CAMK1D: variants seen among roughly 807,000 people sequenced by gnomAD.
CAMK1D encodes the protein calcium/calmodulin dependent protein kinase ID.
A neutral mutation model predicts 47.7 loss-of-function variants in CAMK1D; 9 were observed. That is an observed-to-expected ratio of 0.19 (90% CI 0.11 to 0.33). CAMK1D has a LOEUF of 0.33. CAMK1D is among the 10% of genes least tolerant of loss of function. The pLI, the probability that CAMK1D is intolerant of heterozygous loss-of-function variation, is 1.00. For missense variants in CAMK1D, 291 were observed against 488.7 expected, an observed-to-expected ratio of 0.60 and a Z score of 3.81; for synonymous variants, 184 against 184.9, an observed-to-expected ratio of 0.99 and a Z score of 0.04.
intron 3 of CAMK1D, among the ~76,000 whole-genome samples, chr10:12,758,782 G>A (rs1320677048): frequency 2.0e-5 from 3 of 152,178 alleles, no homozygotes; most frequent in Non-Finnish European, 4.4e-5. Flanking sequence ...GGCAGGAGGT[G>A]GTGGGAGCAG....
intron 3 of CAMK1D, among the ~76,000 whole-genome samples, chr10:12,713,317 A>G (rs1289199306): frequency 6.6e-6 from 1 of 152,176 alleles, no homozygotes; most frequent in African/African-American, 2.4e-5. Flanking sequence ...CAACTTGTGG[A>G]CGATGCCTTT....
rs1838923939 is a variant in CAMK1D, at chr10:12,619,478, G to C, written c.225-47258G>C. Among the ~76,000 whole-genome samples, 4 of 152,088 alleles carry C rather than the reference G, an allele frequency of 2.6e-5. No individual in the cohort carries two copies. The South Asian group carries it at 8.3e-4, about 32-fold the overall frequency. ...AATTTTAGAATTTTTGGTAGAGGAA[G>C]GGTTTTACTGTGTTGCCTAGACTGG... is the stretch of plus-strand genomic sequence containing the variant. On this transcript the variant is annotated intron_variant, in intron 2 of 10. Transcript: ENST00000619168.
At chr10:12,647,866 C>T (rs1380766342) in intron 2 of CAMK1D, among the ~76,000 whole-genome samples, 1 of 152,204 alleles carries the variant, frequency 6.6e-6, no homozygotes, top group Non-Finnish European at 1.5e-5. Flanking sequence ...TGGACTGCTT[C>T]CTGGGACCCT....
chr10:12,426,864 G>A (rs1840251260), intron 1 of CAMK1D, among the ~76,000 whole-genome samples: 2 of 152,168 alleles, frequency 1.3e-5, no homozygotes, highest in African/African-American at 2.4e-5. Context: ...ACAGGTGCAT[G>A]CCACCACGCC....
chr10:12,667,007 A>G lies in CAMK1D; in HGVS notation c.299+197A>G, dbSNP rs552136260. The G allele has an allele frequency of 1.2e-4, 66 of 567,902 alleles. 3 individuals carry two copies. In the South Asian group the frequency reaches 1.5e-3, roughly 13 times the overall value. The allele number at this position is 567,902 out of a possible 1,614,324, so 35.2% of individuals were successfully genotyped here. Reference sequence around the variant, plus strand: ...ACAGGCGTCTACAGGCCTCCCTTGCACCAGCCTGCACTGCTGGGCTGGACT... The same window carrying G: ...ACAGGCGTCTACAGGCCTCCCTTGCGCCAGCCTGCACTGCTGGGCTGGACT... On this transcript the variant is annotated intron_variant, in intron 3 of 10. Transcript: ENST00000619168.
At chr10:12,816,145 A>G (rs1336197138) in intron 7 of CAMK1D, 105 bp from the exon 8 acceptor site, 2 of 833,720 alleles carry the variant, frequency 2.4e-6, no homozygotes, top group Non-Finnish European at 2.0e-6. Flanking sequence ...GGCTGGTCTC[A>G]TATTTTTCAT....
intron 2 of CAMK1D, among the ~76,000 whole-genome samples, chr10:12,655,320 G>A (rs1840088956): frequency 6.6e-6 from 1 of 152,090 alleles, no homozygotes. Flanking sequence ...CAAGCCATGA[G>A]GGATCCACCC....
chr10:12,621,721 C>T (rs1839003325), intron 2 of CAMK1D, among the ~76,000 whole-genome samples: 1 of 152,180 alleles, frequency 6.6e-6, no homozygotes, highest in African/African-American at 2.4e-5. Flanking sequence ...ATGTTCATTG[C>T]TAGCATACAG....
chr10:12,666,926 G>C, intron 3 of CAMK1D, 116 bp downstream of exon 3: 1 of 804,574 alleles, frequency 1.2e-6, no homozygotes, highest in East Asian at 2.4e-5. Flanking sequence ...TAGGGAGCAG[G>C]GAGGCCTGTG....
chr10:12,781,972 GTTTTTTTTT>G (rs58759372), intron 5 of CAMK1D, among the ~76,000 whole-genome samples: 1 of 128,624 alleles, frequency 7.8e-6, no homozygotes, highest in African/African-American at 3.0e-5. Flanking sequence ...TAATTTAATT[GTTTTTTTTT>G]TTTTTTTTTT....
In CAMK1D at chr10:12,495,987, C is replaced by T. The variant is rs1222292265; in HGVS notation, c.93-57238C>T. The stretch of plus-strand genomic sequence containing the variant: ...GGGCTACTTGTGTGCGCCACTGTGC[C>T]CTCTATTTTTTTGGTATTTTTTGTA... On this transcript the variant is annotated intron_variant, in intron 1 of 10. Transcript: ENST00000619168. Among the ~76,000 whole-genome samples, 4 of 151,970 alleles carry T rather than the reference C, an allele frequency of 2.6e-5. No individual in the cohort carries two copies. In the East Asian group the frequency reaches 7.7e-4, roughly 29 times the overall value.
intron 3 of CAMK1D, among the ~76,000 whole-genome samples, chr10:12,734,426 A>ATATATATACACACACACATATGTG (rs1835068615): frequency 2.4e-5 from 1 of 42,250 alleles, no homozygotes; most frequent in African/African-American, 8.5e-5. Context: ...ACACATGTAT[A>ATATATATACACACACACATATGTG]TATATATACA....
intron 3 of CAMK1D, among the ~76,000 whole-genome samples, chr10:12,694,843 G>A (rs935375771): frequency 4.6e-5 from 7 of 151,654 alleles, no homozygotes; most frequent in South Asian, 2.1e-4. Flanking sequence ...AAAACACAGC[G>A]GGCAAATATT....
At chr10:12,588,410 T>G (rs1345482790) in intron 2 of CAMK1D, among the ~76,000 whole-genome samples, 1 of 151,878 alleles carries the variant, frequency 6.6e-6, no homozygotes, top group Non-Finnish European at 1.5e-5. Context: ...CCCATGAGAG[T>G]TTGCTGGAAA....
intron 1 of CAMK1D, among the ~76,000 whole-genome samples, chr10:12,491,886 A>C (rs1241069905): frequency 6.6e-6 from 1 of 152,104 alleles, no homozygotes; most frequent in Non-Finnish European, 1.5e-5. Flanking sequence ...TCCCGGGTTC[A>C]AGTGATTCTC....
intron 1 of CAMK1D, among the ~76,000 whole-genome samples, chr10:12,353,657 G>C (rs1407654011): frequency 6.6e-6 from 1 of 152,154 alleles, no homozygotes; most frequent in African/African-American, 2.4e-5. Context: ...GCACCTCTGA[G>C]TCAGGTCTCA....
intron 1 of CAMK1D, among the ~76,000 whole-genome samples, chr10:12,480,505 C>T (rs561098849): frequency 1.1e-4 from 16 of 152,314 alleles, no homozygotes; most frequent in African/African-American, 3.8e-4. Flanking sequence ...CCATTATTTG[C>T]TAGGTACCTC....
intron 1 of CAMK1D, among the ~76,000 whole-genome samples, chr10:12,546,434 T>C (rs577050931): frequency 6.6e-6 from 1 of 152,158 alleles, no homozygotes; most frequent in South Asian, 2.1e-4. Flanking sequence ...AAGAGAAGTT[T>C]TGGGGTGAAG....
intron 2 of CAMK1D, among the ~76,000 whole-genome samples, chr10:12,651,151 C>T (rs1027199424): frequency 5.9e-5 from 9 of 152,288 alleles, no homozygotes; most frequent in African/African-American, 2.2e-4. Flanking sequence ...TGAGACAAAT[C>T]ATTCTGCCAG....
Sources: allele counts gnomAD v4.1 joint callset (sites outside exome capture counted in the v4.1 genomes callset), GRCh38; gene constraint gnomAD v4.1.1; transcripts MANE v1.5; gene names NCBI Gene and HGNC (gene_info 2026-07-23, HGNC 2026-07-21).